Variants in CFAP54 observed in about 807,000 individuals in gnomAD.
CFAP54 encodes cilia- and flagella-associated protein 54.
A neutral mutation model predicts 370.4 loss-of-function variants in CFAP54; 290 were observed. The observed-to-expected ratio is 0.78, with a 90% CI of 0.71 to 0.86. The LOEUF is 0.86. Among genes scored for constraint, CFAP54 ranks in the 40% least tolerant of loss-of-function variants. The probability of loss-of-function intolerance (pLI) is 0.00; values close to 1 mark genes in which losing one functional copy is unlikely to be tolerated. For missense variants in CFAP54, 3,399 were observed against 3,528.7 expected, an observed-to-expected ratio of 0.96 and a Z score of 0.93; for synonymous variants, 1,206 against 1,236.5, an observed-to-expected ratio of 0.98 and a Z score of 0.52.
intron 45 of CFAP54, among the ~76,000 whole-genome samples, chr12:96,697,131 A>T (rs543384985): frequency 3.9e-4 from 60 of 152,276 alleles, no homozygotes; most frequent in Admixed American, 3.3e-3. Flanking sequence ...TGGTTGATTT[A>T]TGGGTAGTTC....
In CFAP54 at chr12:96,539,073, T is replaced by G. The variant is rs931297323; in HGVS notation, c.1926+555T>G. Among the ~76,000 whole-genome samples, 46 of 137,324 alleles carry G rather than the reference T, an allele frequency of 3.3e-4. 1 individual carries two copies. The highest frequency in any genetic ancestry group is 2.5e-4 in the South Asian group (1 of 3,994). 90.1% of individuals were successfully genotyped at this position (137,324 alleles called of 152,430 possible). On this transcript the variant is annotated intron_variant, in intron 13 of 67. Transcript: ENST00000524981. ...CGCCCGGCCTTTTCAGGTTTTTTTT[T>G]TTTTGTTTTTGTTTTTGAGATGGAG...
At chr12:96,829,328 A>T (rs1387402481) in intron 66 of CFAP54, among the ~76,000 whole-genome samples, 1 of 152,190 alleles carries the variant, frequency 6.6e-6, no homozygotes, top group Admixed American at 6.5e-5. Flanking sequence ...GTCACCTCAA[A>T]TCTACAATTC....
In CFAP54 at chr12:96,535,008, C is replaced by CTGTGTGTGTG. The variant is rs4018882; in HGVS notation, c.1706-471_1706-462dup. ...GAGCCACTAAGATTAGTTTTCTTTT[C>CTGTGTGTGTG]TGTGTGTGTGTGTGTGTGTGTGTGT... On this transcript the variant is annotated intron_variant, in intron 11 of 67. Coordinates refer to ENST00000524981, the MANE Select transcript of CFAP54 (RefSeq NM_001306084.2). Among the ~76,000 whole-genome samples, 217 of 137,436 alleles carry CTGTGTGTGTG rather than the reference C, an allele frequency of 1.6e-3. 2 individuals are homozygous for CTGTGTGTGTG. Among genetic ancestry groups the CTGTGTGTGTG allele is most frequent in the African/African-American group, 5.7e-3 (206 of 36,126 alleles). The allele number at this position is 137,436 out of a possible 152,430, so 90.2% of individuals were successfully genotyped here.
chr12:96,507,975 A>G (rs1176480859), intron 4 of CFAP54, among the ~76,000 whole-genome samples: 2 of 152,164 alleles, frequency 1.3e-5, no homozygotes, highest in African/African-American at 2.4e-5. Flanking sequence ...CACCACTGCC[A>G]TCTCTCACAC....
chr12:96,847,273 T>A (rs1370480555), intron 66 of CFAP54, among the ~76,000 whole-genome samples: 1 of 151,362 alleles, frequency 6.6e-6, no homozygotes, highest in Non-Finnish European at 1.5e-5. Context: ...CCTGGTGAGC[T>A]GCCCTCCCTC....
chr12:96,644,116 T>G (rs1309986898), intron 32 of CFAP54, 62 bp from the exon 33 acceptor site: 41 of 1,110,356 alleles, frequency 3.7e-5, no homozygotes, highest in Non-Finnish European at 8.9e-6. Flanking sequence ...TTGGAATGAT[T>G]CTTCTTTATT....
chr12:96,519,253 C>G (rs1014242604), intron 6 of CFAP54, among the ~76,000 whole-genome samples, 182 bp downstream of exon 6: 1 of 152,088 alleles, frequency 6.6e-6, no homozygotes, highest in African/African-American at 2.4e-5. Flanking sequence ...CATGCGCCAC[C>G]ATGCCCGGCT....
At chr12:96,718,636 T>C in intron 49 of CFAP54, 114 bp downstream of exon 49, 3 of 625,172 alleles carry the variant, frequency 4.8e-6, no homozygotes, top group Admixed American at 3.3e-5. Flanking sequence ...AGTTACCTTT[T>C]CTTGTGTAAG....
chr12:96,769,717 T>G (rs1254489317), intron 60 of CFAP54, among the ~76,000 whole-genome samples: 1 of 152,206 alleles, frequency 6.6e-6, no homozygotes, highest in African/African-American at 2.4e-5. Flanking sequence ...TTCCCATGGC[T>G]ACATGGCTGT....
intron 26 of CFAP54, among the ~76,000 whole-genome samples, chr12:96,619,281 C>A (rs955527872): frequency 4.6e-5 from 7 of 152,220 alleles, no homozygotes; most frequent in African/African-American, 1.4e-4. Flanking sequence ...TTCCTCCTGT[C>A]TAGCCTACAG....
intron 39 of CFAP54, among the ~76,000 whole-genome samples, chr12:96,676,775 C>T (rs1426252295): frequency 6.6e-6 from 1 of 152,038 alleles, no homozygotes. Context: ...GATCCATCTG[C>T]CTTGGCCTCC....
At chr12:96,590,869 C>T (rs1403256479) in intron 23 of CFAP54, among the ~76,000 whole-genome samples, 1 of 152,002 alleles carries the variant, frequency 6.6e-6, no homozygotes, top group African/African-American at 2.4e-5. Context: ...TATGAGATGC[C>T]AGTAGGTTTA....
Position 96,581,268 on chromosome 12 carries a change from C to T in CFAP54, c.3075+163C>T, listed in dbSNP as rs11108590. On this transcript the variant is annotated intron_variant, in intron 22 of 67. Coordinates refer to ENST00000524981, the MANE Select transcript of CFAP54 (RefSeq NM_001306084.2). Reference sequence around the variant, plus strand: ...TTGTCTCATAAAATATGAATCATTCCTTCTCTTATTAGTAAATTTGCTTTT... The same window carrying T: ...TTGTCTCATAAAATATGAATCATTCTTTCTCTTATTAGTAAATTTGCTTTT... 1.8e-4 allele frequency among the ~76,000 whole-genome samples: 28 copies of T among 152,214 alleles called. No homozygotes were observed. In the East Asian group the frequency reaches 4.6e-3, roughly 25 times the overall value.
intron 26 of CFAP54, among the ~76,000 whole-genome samples, chr12:96,613,206 A>T (rs1301831179): frequency 6.6e-6 from 1 of 152,222 alleles, no homozygotes; most frequent in Non-Finnish European, 1.5e-5. Flanking sequence ...AGAACTCAAG[A>T]TTAAAAACTC....
At chr12:96,773,623 A>C (rs115264570) in intron 60 of CFAP54, among the ~76,000 whole-genome samples, 1,915 of 152,316 alleles carry the variant, frequency 0.013, 48 homozygotes, top group African/African-American at 0.044. Context: ...TACACATAAT[A>C]ATGCTCCTTG....
chr12:96,617,859 G>A (rs1007255923), intron 26 of CFAP54, among the ~76,000 whole-genome samples: 13 of 151,898 alleles, frequency 8.6e-5, no homozygotes, highest in Middle Eastern at 3.4e-3. Context: ...GCAAGGTGGC[G>A]GGCGCCTGTA....
At chr12:96,602,439 T>G (rs1042565078) in intron 26 of CFAP54, among the ~76,000 whole-genome samples, 5 of 152,218 alleles carry the variant, frequency 3.3e-5, no homozygotes, top group African/African-American at 4.8e-5. Context: ...TCTGTTGATT[T>G]GGGGTGGAGA....
At chr12:96,506,744 G>C (rs1273013378) in intron 3 of CFAP54, among the ~76,000 whole-genome samples, 184 bp from the exon 4 acceptor site, 1 of 151,674 alleles carries the variant, frequency 6.6e-6, no homozygotes, top group Non-Finnish European at 1.5e-5. Flanking sequence ...GTGCCACCAC[G>C]CCCAGCTAAT....
chr12:96,624,969 AT>A (rs1277929334), intron 28 of CFAP54, among the ~76,000 whole-genome samples: 1 of 152,208 alleles, frequency 6.6e-6, no homozygotes. Flanking sequence ...TGAATTATTT[AT>A]TTTCATAATA....
Sources: allele counts gnomAD v4.1 joint callset (sites outside exome capture counted in the v4.1 genomes callset), GRCh38; gene constraint gnomAD v4.1.1; transcripts MANE v1.5; gene names NCBI Gene and HGNC (gene_info 2026-07-23, HGNC 2026-07-21).